Variants in NOL4L observed in about 807,000 individuals in gnomAD.
NOL4L encodes the protein nucleolar protein 4 like.
NOL4L carries 7 observed loss-of-function variants against 64.5 expected under a neutral mutation model. The observed-to-expected ratio is 0.11, with a 90% CI of 0.06 to 0.20. The LOEUF (loss-of-function observed/expected upper bound fraction) is 0.20, where lower values mean the gene tolerates loss of function less well. NOL4L is among the 10% of genes least tolerant of loss of function. NOL4L has a pLI of 1.00. For synonymous variants in NOL4L, 413 were observed against 401.0 expected, an observed-to-expected ratio of 1.03 and a Z score of -0.36; for missense variants, 680 against 967.1, an observed-to-expected ratio of 0.70 and a Z score of 3.94.
intron 3 of NOL4L, among the ~76,000 whole-genome samples, chr20:32,516,007 C>T (rs1001449573): frequency 2.2e-4 from 33 of 152,170 alleles, no homozygotes; most frequent in African/African-American, 7.2e-4. Context: ...TGCAGCTGGG[C>T]GCCAATGGCA....
At chr20:32,515,962 G>A (rs927826012) in intron 3 of NOL4L, among the ~76,000 whole-genome samples, 4 of 152,198 alleles carry the variant, frequency 2.6e-5, no homozygotes, top group Non-Finnish European at 4.4e-5. Flanking sequence ...CAATGATGTG[G>A]GTGCTTGGGC....
chr20:32,580,832 TGACA>T (rs887697446), intron 1 of NOL4L, among the ~76,000 whole-genome samples: 17 of 152,204 alleles, frequency 1.1e-4, no homozygotes, highest in South Asian at 6.2e-4. Context: ...TCCTAGGAAC[TGACA>T]GACAGCCCAG....
intron 10 of NOL4L, among the ~76,000 whole-genome samples, chr20:32,451,947 C>T (rs2012954812): frequency 1.3e-5 from 2 of 152,132 alleles, no homozygotes; most frequent in Admixed American, 6.5e-5. Flanking sequence ...GTGAGAGGCG[C>T]CGGTAGTGAA....
intron 1 of NOL4L, among the ~76,000 whole-genome samples, chr20:32,565,798 A>T (rs1979392052): frequency 6.6e-6 from 1 of 152,226 alleles, no homozygotes; most frequent in South Asian, 2.1e-4. Context: ...CACGCCTGTA[A>T]TCTGAGCATT....
intron 5 of NOL4L, among the ~76,000 whole-genome samples, chr20:32,456,776 C>T (rs1172700208): frequency 6.6e-6 from 1 of 152,238 alleles, no homozygotes; most frequent in Non-Finnish European, 1.5e-5. Context: ...CCCTTCTCCC[C>T]AGCTCCCAGG....
At chr20:32,454,798 G>A (rs2013315728) in intron 6 of NOL4L, among the ~76,000 whole-genome samples, 1 of 152,230 alleles carries the variant, frequency 6.6e-6, no homozygotes, top group Non-Finnish European at 1.5e-5. Flanking sequence ...TGGCGGTATG[G>A]TCAGACCCTG....
intron 1 of NOL4L, among the ~76,000 whole-genome samples, chr20:32,539,426 A>C (rs2018615046): frequency 6.6e-6 from 1 of 152,194 alleles, no homozygotes; most frequent in Non-Finnish European, 1.5e-5. Context: ...TCACTCAGCC[A>C]GTGAGGCTCT....
chr20:32,488,827 T>TTCTC lies in NOL4L; in HGVS notation c.700-14086_700-14085insGAGA, dbSNP rs11483298. On this transcript the variant is annotated intron_variant, in intron 4 of 10. Coordinates refer to ENST00000621426, the MANE Select transcript of NOL4L (RefSeq NM_001256798.2). The stretch of plus-strand genomic sequence containing the variant: ...TCTTTTTCTTTCTTTCTTTCTTTCT[T>TTCTC]TTTCTTTCTTTCTTTCTTTCTTTCT... 6.5e-3 allele frequency among the ~76,000 whole-genome samples: 217 copies of TTCTC among 33,150 alleles called. 20 individuals are homozygous for TTCTC. The highest frequency in any genetic ancestry group is 0.02 in the South Asian group (25 of 1,234). The allele number at this position is 33,150 out of a possible 152,430, so 21.7% of individuals were successfully genotyped here. A position where few individuals can be genotyped will look rare whatever the true frequency, so the allele number is the denominator to read the frequency against.
At chr20:32,471,801 C>G (rs775146235) in intron 5 of NOL4L, among the ~76,000 whole-genome samples, 33 of 152,016 alleles carry the variant, frequency 2.2e-4, no homozygotes, top group Non-Finnish European at 2.6e-4. Context: ...TTTAAAAGAG[C>G]CTGGTACCTC....
At chr20:32,536,359 C>A in intron 1 of NOL4L, 3 of 979,496 alleles carry the variant, frequency 3.1e-6, no homozygotes, top group Non-Finnish European at 3.6e-6. Context: ...AGGTGCGGGC[C>A]CCACCCAGGG....
intron 1 of NOL4L, among the ~76,000 whole-genome samples, chr20:32,541,243 A>G (rs956087645): frequency 6.6e-6 from 1 of 152,186 alleles, no homozygotes; most frequent in Non-Finnish European, 1.5e-5. Context: ...TAGGCACTCG[A>G]CAACTATTTC....
At chr20:32,576,697 G>A (rs1022811620) in intron 1 of NOL4L, among the ~76,000 whole-genome samples, 2 of 152,130 alleles carry the variant, frequency 1.3e-5, no homozygotes, top group East Asian at 1.9e-4. Context: ...CTGCTCTGCC[G>A]TCTCCCCACT....
intron 5 of NOL4L, among the ~76,000 whole-genome samples, chr20:32,472,923 A>T (rs754369609): frequency 6.6e-6 from 1 of 152,044 alleles, no homozygotes; most frequent in Non-Finnish European, 1.5e-5. Context: ...CAGACCCCCC[A>T]GCCTCCCTGC....
chr20:32,475,408 G>T, intron 4 of NOL4L: 1 of 934,376 alleles, frequency 1.1e-6, no homozygotes, highest in Non-Finnish European at 1.3e-6. Flanking sequence ...CGCAAAGGGG[G>T]TTCAGCTCAA....
Position 32,457,713 on chromosome 20 carries a change from G to T in NOL4L, c.842-1318C>A, listed in dbSNP as rs142716791. On this transcript the variant is annotated intron_variant, in intron 5 of 10. Coordinates refer to ENST00000621426, the MANE Select transcript of NOL4L (RefSeq NM_001256798.2). Reference sequence around the variant, plus strand: ...CTGCAGCAGGTCCCCTGGGCCAGGCGTCCTGTCCTCCTTCGGGCAGCCTAG... The same window carrying T: ...CTGCAGCAGGTCCCCTGGGCCAGGCTTCCTGTCCTCCTTCGGGCAGCCTAG... Among the ~76,000 whole-genome samples, 677 of 152,196 alleles carry T rather than the reference G, an allele frequency of 4.4e-3. 7 individuals carry two copies. Among genetic ancestry groups the T allele is most frequent in the South Asian group, 0.022 (107 of 4,832 alleles).
chr20:32,453,159 C>T lies in NOL4L; in HGVS notation c.1497+145G>A. The T allele has an allele frequency of 7.1e-7, 1 of 1,413,360 alleles. No homozygotes were observed. The highest frequency in any genetic ancestry group is 1.3e-5 in the South Asian group (1 of 75,202). The allele number at this position is 1,413,360 out of a possible 1,614,324, so 87.6% of individuals were successfully genotyped here. ...GTGTGATCTTTCTGGGCCTTAGTTC[C>T]CTCATTTGCAAACCAGGGATTATGG... is the stretch of plus-strand genomic sequence containing the variant. On this transcript the variant is annotated intron_variant, in intron 8 of 10. Coordinates refer to ENST00000621426, the MANE Select transcript of NOL4L (RefSeq NM_001256798.2). This position sits in a 1 kb window ranked among gnomAD's most constrained non-coding sequence, Gnocchi z 5.6.
Position 32,463,685 on chromosome 20 carries a change from A to G in NOL4L, c.842-7290T>C, listed in dbSNP as rs2014293352. On this transcript the variant is annotated intron_variant, in intron 5 of 10. Coordinates refer to ENST00000621426, the MANE Select transcript of NOL4L (RefSeq NM_001256798.2). The surrounding 1 kb of genome is among the most constrained non-coding windows in gnomAD (Gnocchi z 5.8). ...TTCCTCCCTCTGTCCCGTCTCCAGA[A>G]GGAGACAAAAACCCCTTTTACCTCA... Among the ~76,000 whole-genome samples, 1 of 152,238 alleles carries G rather than the reference A, an allele frequency of 6.6e-6. No individual in the cohort carries two copies. The highest frequency in any genetic ancestry group is 1.5e-5 in the Non-Finnish European group (1 of 68,036).
At position 32,448,732 on chromosome 20, in the gene NOL4L, T is replaced by C. The variant is rs985889262; in HGVS notation, c.1823-916A>G. Among the ~76,000 whole-genome samples, 3 of 152,142 alleles carry C rather than the reference T, an allele frequency of 2.0e-5. 1 individual carries two copies. Among genetic ancestry groups the C allele is most frequent in the Admixed American group, 2.0e-4 (3 of 15,284 alleles). On this transcript the variant is annotated intron_variant, in intron 10 of 10. Coordinates refer to ENST00000621426, the MANE Select transcript of NOL4L (RefSeq NM_001256798.2). ...ATGATGGCAAAGAGGGAGCCTGCCA[T>C]CTTTCAAAACACACTAGGGGTGTGC...
intron 5 of NOL4L, among the ~76,000 whole-genome samples, chr20:32,468,169 G>T (rs565976217): frequency 6.6e-6 from 1 of 152,102 alleles, no homozygotes; most frequent in East Asian, 1.9e-4. Flanking sequence ...GGGAAGGGCC[G>T]GCCAGATCCA....
Sources: gnomAD v4.1 joint callset for allele counts (sites outside exome capture counted in the v4.1 genomes callset) on GRCh38, gnomAD v4.1.1 for gene constraint, Gnocchi (gnomAD v3.1) non-coding constraint, MANE v1.5 for transcripts, NCBI Gene and HGNC (gene_info 2026-07-23, HGNC 2026-07-21) for gene names.